DEPDC1B: variants seen among roughly 807,000 people sequenced by gnomAD.
The protein encoded by DEPDC1B is DEP domain containing 1B.
A neutral mutation model predicts 66.5 loss-of-function variants in DEPDC1B; 51 were observed. The observed-to-expected ratio is 0.77, with a 90% CI of 0.61 to 0.97. The LOEUF is 0.97. Ranked by LOEUF, DEPDC1B falls within the 50% of genes least tolerant of loss-of-function variation. DEPDC1B has a pLI of 0.00. For missense variants in DEPDC1B, 552 were observed against 637.1 expected, an observed-to-expected ratio of 0.87 and a Z score of 1.44; for synonymous variants, 226 against 223.6, an observed-to-expected ratio of 1.01 and a Z score of -0.10.
intron 1 of DEPDC1B, chr5:60,688,960 G>A: frequency 2.2e-6 from 1 of 454,982 alleles, no homozygotes; most frequent in East Asian, 7.0e-5. Context: ...CTAACTCACT[G>A]TAATACACTG....
intron 2 of DEPDC1B, among the ~76,000 whole-genome samples, chr5:60,657,616 G>T (rs937726050): frequency 1.3e-4 from 20 of 152,152 alleles, no homozygotes; most frequent in Non-Finnish European, 2.5e-4. Context: ...TTAAAGATAG[G>T]ACCCCAATCC....
At chr5:60,624,190 T>C (rs1163294001) in intron 7 of DEPDC1B, among the ~76,000 whole-genome samples, 1 of 152,146 alleles carries the variant, frequency 6.6e-6, no homozygotes, top group Non-Finnish European at 1.5e-5. Context: ...TATTTAACAT[T>C]TTTATCATTA....
At chr5:60,634,128 A>G (rs543675191) in intron 7 of DEPDC1B, among the ~76,000 whole-genome samples, 2 of 152,326 alleles carry the variant, frequency 1.3e-5, no homozygotes, top group South Asian at 4.2e-4. Context: ...GCACATCTGC[A>G]ATCTCTGGGT....
At chr5:60,607,812 A>G (rs893417203) in intron 7 of DEPDC1B, among the ~76,000 whole-genome samples, 1 of 152,202 alleles carries the variant, frequency 6.6e-6, no homozygotes, top group Non-Finnish European at 1.5e-5. Flanking sequence ...GGGAATGGCA[A>G]TTACAAACAT....
intron 2 of DEPDC1B, among the ~76,000 whole-genome samples, chr5:60,661,048 A>C (rs1753703483): frequency 6.6e-6 from 1 of 152,056 alleles, no homozygotes; most frequent in Non-Finnish European, 1.5e-5. Flanking sequence ...AACAAAAAAA[A>C]CTCTATCTCA....
At chr5:60,609,186 T>G (rs1335066120) in intron 7 of DEPDC1B, among the ~76,000 whole-genome samples, 1 of 152,056 alleles carries the variant, frequency 6.6e-6, no homozygotes, top group Admixed American at 6.5e-5. Flanking sequence ...TAAATTCATC[T>G]CAGGAATTTA....
At chr5:60,664,388 G>T (rs1293209860) in intron 2 of DEPDC1B, among the ~76,000 whole-genome samples, 1 of 152,198 alleles carries the variant, frequency 6.6e-6, no homozygotes, top group Non-Finnish European at 1.5e-5. Flanking sequence ...ATCTCATAAT[G>T]TGAACAGCAT....
intron 7 of DEPDC1B, among the ~76,000 whole-genome samples, chr5:60,613,968 T>C (rs746363037): frequency 6.6e-6 from 1 of 152,218 alleles, no homozygotes; most frequent in Non-Finnish European, 1.5e-5. Flanking sequence ...TGATACTTAG[T>C]CACAAATTGC....
At chr5:60,605,949 T>G in intron 7 of DEPDC1B, 93 bp from the exon 8 acceptor site, 1 of 1,074,054 alleles carries the variant, frequency 9.3e-7, no homozygotes, top group Non-Finnish European at 1.3e-6. Context: ...ATTAGTAAAA[T>G]TACATAAAAT....
rs1317915545 is a variant in DEPDC1B at position 60,603,527 on chromosome 5, T to A, written c.1106A>T (p.Asp369Val). Reference sequence around the variant, plus strand: ...TAATAACTCATCCAAGTCCACTTCATCCTTGGAACACAAGATGCAACGGGA... The same window carrying A: ...TAATAACTCATCCAAGTCCACTTCAACCTTGGAACACAAGATGCAACGGGA... ...TFSRCILCSK[D>V]EVDLDELLAA... is the part of the protein sequence containing the mutation. The change falls in exon 9 of 11, where the codon GAT (aspartate) becomes GTT (valine). Residue 369 changes from aspartate to valine, a missense_variant. Transcript: ENST00000265036. 3.1e-6 allele frequency: 5 copies of A among 1,608,072 alleles called. No homozygotes were observed. Among genetic ancestry groups the A allele is most frequent in the African/African-American group, 1.3e-5 (1 of 74,454 alleles).
intron 7 of DEPDC1B, among the ~76,000 whole-genome samples, chr5:60,637,491 T>G (rs1753070418): frequency 1.3e-5 from 2 of 152,218 alleles, no homozygotes; most frequent in Non-Finnish European, 1.5e-5. Context: ...ATGAGCCAAT[T>G]AAACCTCTTT....
At chr5:60,678,294 A>G (rs577762492) in intron 2 of DEPDC1B, among the ~76,000 whole-genome samples, 2 of 152,292 alleles carry the variant, frequency 1.3e-5, no homozygotes, top group Non-Finnish European at 2.9e-5. Context: ...GCTACATTGT[A>G]TGGATGTACA....
intron 2 of DEPDC1B, among the ~76,000 whole-genome samples, chr5:60,683,566 A>T (rs1054904867): frequency 9.9e-5 from 15 of 152,196 alleles, no homozygotes; most frequent in Non-Finnish European, 1.5e-4. Context: ...AAAATTCAAC[A>T]TCCATTCATA....
intron 7 of DEPDC1B, among the ~76,000 whole-genome samples, chr5:60,613,975 T>C (rs1752480197): frequency 6.6e-6 from 1 of 152,186 alleles, no homozygotes; most frequent in Non-Finnish European, 1.5e-5. Context: ...TAGTCACAAA[T>C]TGCACCTATG....
intron 2 of DEPDC1B, among the ~76,000 whole-genome samples, chr5:60,672,559 A>G (rs1395768832): frequency 1.3e-5 from 2 of 152,142 alleles, no homozygotes; most frequent in Non-Finnish European, 2.9e-5. Context: ...TGATCCAATC[A>G]CTTCCCACCA....
intron 7 of DEPDC1B, among the ~76,000 whole-genome samples, chr5:60,619,326 T>C (rs1265858263): frequency 2.6e-5 from 4 of 152,162 alleles, no homozygotes; most frequent in Non-Finnish European, 2.9e-5. Flanking sequence ...GGGTATTCGA[T>C]TAGGAAAAGA....
chr5:60,662,611 C>A (rs975516830), intron 2 of DEPDC1B, among the ~76,000 whole-genome samples: 18 of 152,158 alleles, frequency 1.2e-4, no homozygotes, highest in Admixed American at 7.2e-4. Context: ...CCTAATAGGG[C>A]TTTCTTTCAG....
intron 1 of DEPDC1B, among the ~76,000 whole-genome samples, chr5:60,698,669 A>AT (rs34466259): frequency 0.54 from 77,918 of 143,864 alleles, 21,369 homozygotes; most frequent in East Asian, 0.7. Flanking sequence ...TCTCCTTATT[A>AT]TTTTTTTTTT....
rs76975593 is a variant in DEPDC1B at position 60,632,356 on chromosome 5, C to T, written c.898+6394G>A. Among the ~76,000 whole-genome samples, 1,203 of 152,336 alleles carry T rather than the reference C, an allele frequency of 7.9e-3. 14 individuals are homozygous for T. Among genetic ancestry groups the T allele is most frequent in the African/African-American group, 0.027 (1,137 of 41,580 alleles). On this transcript the variant is annotated intron_variant, in intron 7 of 10. Transcript: ENST00000265036. Reference sequence around the variant, plus strand: ...ATCATTGATGCCACCACCACAGGCACGCTGGGGAAAGGCGGCTGCTGCAAA... The same window carrying T: ...ATCATTGATGCCACCACCACAGGCATGCTGGGGAAAGGCGGCTGCTGCAAA...
Sources: allele counts gnomAD v4.1 joint callset (sites outside exome capture counted in the v4.1 genomes callset), GRCh38; gene constraint gnomAD v4.1.1; transcripts MANE v1.5; gene names NCBI Gene and HGNC (gene_info 2026-07-23, HGNC 2026-07-21).